Variants in RBFOX1 observed in about 807,000 individuals in gnomAD.
RBFOX1 encodes RNA binding fox-1 homolog 1, also known as RNA binding protein fox-1 homolog 1.
In RBFOX1, 8 loss-of-function variants were observed where a neutral mutation model predicts 57.7. The ratio of observed to expected loss-of-function variants is 0.14; its 90% CI spans 0.08 to 0.25. The LOEUF is 0.25. Ranked by LOEUF, RBFOX1 falls within the 10% of genes least tolerant of loss-of-function variation. RBFOX1 has a pLI of 1.00. For missense variants in RBFOX1, 611 were observed against 548.5 expected (o/e 1.11, Z -1.14); for synonymous variants, 326 against 222.4 (o/e 1.47, Z -4.15).
intron 1 of RBFOX1, among the ~76,000 whole-genome samples, chr16:5,361,039 T>C (rs1412500066): frequency 6.6e-6 from 1 of 152,220 alleles, no homozygotes; most frequent in African/African-American, 2.4e-5. Context: ...CAAATGCTAA[T>C]AGACAACACA....
At chr16:7,603,535 G>C (rs1010917255) in intron 9 of RBFOX1, among the ~76,000 whole-genome samples, 1 of 152,186 alleles carries the variant, frequency 6.6e-6, no homozygotes, top group Non-Finnish European at 1.5e-5. Flanking sequence ...GAGGAGGTGG[G>C]AAAGTGACAT....
intron 4 of RBFOX1, among the ~76,000 whole-genome samples, chr16:7,211,250 G>A (rs1055210768): frequency 6.6e-6 from 1 of 151,864 alleles, no homozygotes; most frequent in Admixed American, 6.6e-5. Context: ...AAATTAGCCA[G>A]GTGTGGTGGT....
chr16:7,606,118 ATTTT>A (rs34232105), intron 9 of RBFOX1, among the ~76,000 whole-genome samples: 1 of 114,606 alleles, frequency 8.7e-6, no homozygotes, highest in Admixed American at 1.0e-4. Flanking sequence ...ACCTGCATGG[ATTTT>A]TTTTTTTTTT....
chr16:5,457,733 G>A (rs926606038), intron 1 of RBFOX1, among the ~76,000 whole-genome samples: 4 of 152,210 alleles, frequency 2.6e-5, no homozygotes, highest in South Asian at 2.1e-4. Context: ...GTGCCCTGCT[G>A]GGGCCCAGTG....
intron 1 of RBFOX1, among the ~76,000 whole-genome samples, chr16:5,396,831 A>G (rs2066572766): frequency 6.6e-6 from 1 of 152,190 alleles, no homozygotes; most frequent in Non-Finnish European, 1.5e-5. Flanking sequence ...GAGTAGATTG[A>G]TTTCTTGAAC....
At chr16:5,596,176 C>G (rs2047175380) in intron 2 of RBFOX1, among the ~76,000 whole-genome samples, 1 of 152,106 alleles carries the variant, frequency 6.6e-6, no homozygotes, top group African/African-American at 2.4e-5. Flanking sequence ...GCAGGGGCAG[C>G]TGGATAGGAA....
rs1009436173 is a variant in RBFOX1 at position 6,741,079 on chromosome 16, A to C, written c.-16+86429A>C. Among the ~76,000 whole-genome samples the C allele has an allele frequency of 2.0e-5, 3 of 152,332 alleles. No homozygotes were observed. The East Asian group carries it at 5.8e-4, about 29-fold the overall frequency. On this transcript the variant is annotated intron_variant, in intron 3 of 15. Coordinates refer to ENST00000550418, the MANE Select transcript of RBFOX1 (RefSeq NM_018723.4). ...GAAATAGCCCCAGACAACATTGACC[A>C]GCTGATTTTTGCCAGTAATGCAAAA...
At chr16:6,572,541 G>A (rs921489993) in intron 2 of RBFOX1, among the ~76,000 whole-genome samples, 1 of 151,870 alleles carries the variant, frequency 6.6e-6, no homozygotes, top group Non-Finnish European at 1.5e-5. Flanking sequence ...AGCCAGGCAA[G>A]ATTGCTGAGT....
chr16:6,788,312 G>C (rs2082304981), intron 3 of RBFOX1, among the ~76,000 whole-genome samples: 1 of 152,002 alleles, frequency 6.6e-6, no homozygotes, highest in South Asian at 2.1e-4. Context: ...AAATTCCCCA[G>C]CATCTGCAGA....
chr16:7,631,551 T>C (rs902645130), intron 11 of RBFOX1, among the ~76,000 whole-genome samples: 2 of 152,302 alleles, frequency 1.3e-5, no homozygotes, highest in African/African-American at 4.8e-5. Context: ...TTTTATACAA[T>C]GTGTGTAAAT....
At position 5,753,456 on chromosome 16, in the gene RBFOX1, C is replaced by T. The variant is rs545973885; in HGVS notation, c.319-113847C>T. Among the ~76,000 whole-genome samples, 15 of 152,256 alleles carry T rather than the reference C, an allele frequency of 9.9e-5. No individual in the cohort carries two copies. The South Asian group carries it at 2.7e-3, about 27-fold the overall frequency. On this transcript the variant is annotated intron_variant, in intron 3 of 19. Transcript: ENST00000641259. ...TTCACTTGAAAAAGAGTTACAACTC[C>T]GTTTCCATATGGTAGACAGAGGAAT...
chr16:6,873,484 T>G (rs1238607286), intron 3 of RBFOX1, among the ~76,000 whole-genome samples: 1 of 152,186 alleles, frequency 6.6e-6, no homozygotes, highest in African/African-American at 2.4e-5. Context: ...TGCAATTGCA[T>G]AAAACTTCCT....
chr16:5,451,311 A>C (rs1466505564), intron 1 of RBFOX1, among the ~76,000 whole-genome samples: 1 of 152,060 alleles, frequency 6.6e-6, no homozygotes, highest in Non-Finnish European at 1.5e-5. Flanking sequence ...CCTCTCAGAG[A>C]GCGATGATTT....
chr16:6,210,361 C>CAAAAAAA (rs3064933), intron 1 of RBFOX1, among the ~76,000 whole-genome samples: 12 of 61,450 alleles, frequency 2.0e-4, no homozygotes, highest in East Asian at 1.1e-3. Context: ...AAAAAAACAC[C>CAAAAAAA]AAAAAAAAAA....
intron 1 of RBFOX1, 60 bp downstream of exon 1, chr16:6,020,052 A>G: frequency 1.4e-6 from 2 of 1,391,950 alleles, no homozygotes; most frequent in Non-Finnish European, 9.4e-7. Context: ...TCAGGTCCAG[A>G]AGGTCTCATG....
At chr16:5,817,238 A>C (rs1437944617) in intron 3 of RBFOX1, among the ~76,000 whole-genome samples, 1 of 152,072 alleles carries the variant, frequency 6.6e-6, no homozygotes, top group African/African-American at 2.4e-5. Flanking sequence ...CCATGTTTCT[A>C]TTACGGTAAT....
chr16:5,365,138 A>C (rs1019693145), intron 1 of RBFOX1, among the ~76,000 whole-genome samples: 1 of 151,928 alleles, frequency 6.6e-6, no homozygotes, highest in Admixed American at 6.6e-5. Flanking sequence ...CTGCTGGTGG[A>C]CTCCGGAGGC....
In RBFOX1 at chr16:7,368,175, G is replaced by A. The variant is rs536812764; in HGVS notation, c.28-149972G>A. Among the ~76,000 whole-genome samples, 4 of 151,768 alleles carry A rather than the reference G, an allele frequency of 2.6e-5. No homozygotes were observed. The South Asian group carries it at 8.3e-4, about 32-fold the overall frequency. On this transcript the variant is annotated intron_variant, in intron 4 of 15. Coordinates refer to ENST00000550418, the MANE Select transcript of RBFOX1 (RefSeq NM_018723.4). The stretch of plus-strand genomic sequence containing the variant: ...CCAGCTACTTGGGAGGCTGAGGCAG[G>A]AGGATCGCTTGAACCCGGGAGGTGG...
At chr16:6,333,310 G>A (rs572007253) in intron 2 of RBFOX1, among the ~76,000 whole-genome samples, 5 of 152,318 alleles carry the variant, frequency 3.3e-5, no homozygotes, top group African/African-American at 4.8e-5. Flanking sequence ...ACCCCAAAGC[G>A]CTGGGATGAC....
Sources: gnomAD v4.1 joint callset for allele counts (sites outside exome capture counted in the v4.1 genomes callset) on GRCh38, gnomAD v4.1.1 for gene constraint, MANE v1.5 for transcripts, NCBI Gene and HGNC (gene_info 2026-07-23, HGNC 2026-07-21) for gene names.